OSBPL10: variants seen among roughly 807,000 people sequenced by gnomAD.
The protein encoded by OSBPL10 is oxysterol-binding protein-related protein 10.
In OSBPL10, 49 loss-of-function variants were observed where a neutral mutation model predicts 81.7. The ratio of observed to expected loss-of-function variants is 0.60; its 90% CI spans 0.48 to 0.76. The LOEUF (loss-of-function observed/expected upper bound fraction) is 0.76. Ranked by LOEUF, OSBPL10 falls within the 30% of genes least tolerant of loss-of-function variation. The pLI is 0.00. For missense variants in OSBPL10, 923 were observed against 987.8 expected, an observed-to-expected ratio of 0.93 and a Z score of 0.88; for synonymous variants, 419 against 383.6, an observed-to-expected ratio of 1.09 and a Z score of -1.08.
chr3:31,684,151 G>A, intron 7 of OSBPL10, 37 bp from the exon 8 acceptor site: 2 of 1,598,446 alleles, frequency 1.3e-6, no homozygotes, highest in South Asian at 2.2e-5. Context: ...ACAATCCCTG[G>A]GATTACACGG....
At position 31,943,890 on chromosome 3, in the gene OSBPL10, C is replaced by T. The variant is rs561638421; in HGVS notation, c.281+37009G>A. ...GGCTGAAGCAGCAGAATCACTTGAA[C>T]CCAGGAAGCGGAGGTTCGAGTGAGC... On this transcript the variant is annotated intron_variant, in intron 1 of 11. Transcript: ENST00000396556. Among the ~76,000 whole-genome samples the T allele has an allele frequency of 2.8e-5, 4 of 143,024 alleles. No homozygotes were observed. The South Asian group carries it at 8.9e-4, about 32-fold the overall frequency. 93.8% of individuals were successfully genotyped at this position (143,024 alleles called of 152,430 possible).
At chr3:31,740,357 T>C (rs60621449) in intron 5 of OSBPL10, among the ~76,000 whole-genome samples, 16,756 of 152,128 alleles carry the variant, frequency 0.11, 2,173 homozygotes, top group African/African-American at 0.31. Context: ...GAATAATATT[T>C]CTAAGCATGG....
At chr3:31,881,375 G>A (rs1048318049) in intron 1 of OSBPL10, among the ~76,000 whole-genome samples, 1 of 152,186 alleles carries the variant, frequency 6.6e-6, no homozygotes, top group African/African-American at 2.4e-5. Context: ...TAGAGGCAAT[G>A]CAACATATTT....
At chr3:31,805,795 C>A (rs1699507134) in intron 4 of OSBPL10, among the ~76,000 whole-genome samples, 1 of 152,184 alleles carries the variant, frequency 6.6e-6, no homozygotes, top group African/African-American at 2.4e-5. Context: ...GCAGGCCTCA[C>A]AAGATAACCC....
chr3:31,973,403 A>T (rs552248650), intron 1 of OSBPL10, among the ~76,000 whole-genome samples: 1 of 152,348 alleles, frequency 6.6e-6, no homozygotes, highest in South Asian at 2.1e-4. Context: ...TAGTCTATCT[A>T]AAATACAAGA....
intron 4 of OSBPL10, among the ~76,000 whole-genome samples, chr3:31,766,279 T>C (rs1429134040): frequency 6.6e-6 from 1 of 151,592 alleles, no homozygotes; most frequent in Non-Finnish European, 1.5e-5. Flanking sequence ...CAACATAGGG[T>C]CTTCCCTCTG....
chr3:31,821,223 G>C (rs1298309628), intron 4 of OSBPL10, among the ~76,000 whole-genome samples: 4 of 152,138 alleles, frequency 2.6e-5, no homozygotes, highest in South Asian at 4.2e-4. Context: ...TCGGTGTTGG[G>C]CTTTTGTTGT....
chr3:31,948,543 G>A (rs1697768377), intron 1 of OSBPL10, among the ~76,000 whole-genome samples: 2 of 152,122 alleles, frequency 1.3e-5, no homozygotes, highest in East Asian at 1.9e-4. Context: ...AGCAATAAAC[G>A]GGCAGTCATC....
rs1039997676 is a variant in OSBPL10 at position 31,663,651 on chromosome 3, T to A, written c.2250+428A>T. ...GAGGCAAAGCTCTGAAAGGCAATTC[T>A]TCATCAGTGAGGGCTCCAGCCCACC... On this transcript the variant is annotated intron_variant, in intron 11 of 11. Transcript: ENST00000396556. The A allele has an allele frequency of 7.6e-6, 8 of 1,054,436 alleles. No individual in the cohort carries two copies. The African/African-American group carries it at 1.3e-4, about 18-fold the overall frequency. 65.3% of individuals were successfully genotyped at this position (1,054,436 alleles called of 1,614,324 possible).
At chr3:32,034,432 C>T (rs933900409) in intron 2 of OSBPL10, among the ~76,000 whole-genome samples, 2 of 125,182 alleles carry the variant, frequency 1.6e-5, no homozygotes, top group African/African-American at 5.7e-5. Flanking sequence ...CAGAGCGAGA[C>T]CCTGTAGCGG....
At chr3:31,720,032 A>G (rs1312273974) in intron 6 of OSBPL10, among the ~76,000 whole-genome samples, 3 of 148,424 alleles carry the variant, frequency 2.0e-5, no homozygotes, top group Non-Finnish European at 4.4e-5. Flanking sequence ...CTGGTATAAA[A>G]AAAGTTAAAG....
At chr3:31,966,433 AT>A (rs746290992) in intron 1 of OSBPL10, among the ~76,000 whole-genome samples, 240 of 151,980 alleles carry the variant, frequency 1.6e-3, no homozygotes, top group Middle Eastern at 6.8e-3. Flanking sequence ...AAAATAAAAA[AT>A]ATTAGAATAG....
At chr3:31,831,992 A>T (rs1381787138) in intron 3 of OSBPL10, among the ~76,000 whole-genome samples, 1 of 152,238 alleles carries the variant, frequency 6.6e-6, no homozygotes, top group East Asian at 1.9e-4. Flanking sequence ...TCAGCATGGG[A>T]CAGGTTAAAT....
exon 2 of OSBPL10, chr3:32,046,528 G>A (rs1362932435): frequency 6.6e-6 from 1 of 152,220 alleles, no homozygotes; most frequent in Non-Finnish European, 1.5e-5. Context: ...CTTGCAGAAT[G>A]AGTAGTTCTA....
intron 6 of OSBPL10, among the ~76,000 whole-genome samples, chr3:31,710,346 A>AGT (rs1696211436): frequency 6.6e-6 from 1 of 152,162 alleles, no homozygotes; most frequent in Non-Finnish European, 1.5e-5. Flanking sequence ...CTGGGCACAC[A>AGT]GTGGTATGTT....
At chr3:32,001,994 A>AT (rs759686785) in intron 2 of OSBPL10, among the ~76,000 whole-genome samples, 73 of 152,214 alleles carry the variant, frequency 4.8e-4, no homozygotes, top group South Asian at 6.2e-4. Context: ...GAAGTAAGAC[A>AT]TTCATTTTGC....
chr3:31,694,743 TTTTG>T (rs541190252), intron 7 of OSBPL10, among the ~76,000 whole-genome samples: 167 of 152,254 alleles, frequency 1.1e-3, no homozygotes, highest in Middle Eastern at 3.4e-3. Flanking sequence ...AGCATAAATC[TTTTG>T]TTTGTTTGTT....
intron 1 of OSBPL10, among the ~76,000 whole-genome samples, chr3:31,883,528 G>GTTTT (rs758735127): frequency 1.5e-5 from 2 of 129,608 alleles, no homozygotes; most frequent in African/African-American, 3.0e-5. Context: ...GCATGAGCCT[G>GTTTT]TTTTTTTTTT....
intron 3 of OSBPL10, among the ~76,000 whole-genome samples, chr3:31,857,167 G>C: frequency 1.3e-5 from 2 of 152,304 alleles, no homozygotes; most frequent in East Asian, 3.9e-4. Context: ...CAAGACAGGA[G>C]CTAGCTCTGC....
Sources: gnomAD v4.1 joint callset for allele counts (sites outside exome capture counted in the v4.1 genomes callset) on GRCh38, gnomAD v4.1.1 for gene constraint, MANE v1.5 for transcripts, NCBI Gene and HGNC (gene_info 2026-07-23, HGNC 2026-07-21) for gene names.